Variants in LCLAT1 observed in about 807,000 individuals in gnomAD.
LCLAT1 encodes lysocardiolipin acyltransferase 1.
In LCLAT1, 11 loss-of-function variants were observed where a neutral mutation model predicts 30.7. That is an observed-to-expected ratio of 0.36 (90% CI 0.23 to 0.59). LCLAT1 has a LOEUF of 0.59. LCLAT1 is among the 20% of genes least tolerant of loss of function. The pLI, the probability that LCLAT1 is intolerant of heterozygous loss-of-function variation, is 0.77. For synonymous variants in LCLAT1, 155 were observed against 151.3 expected, an observed-to-expected ratio of 1.02 and a Z score of -0.18; for missense variants, 402 against 458.6, an observed-to-expected ratio of 0.88 and a Z score of 1.13.
At chr2:30,550,510 C>T (rs1241097230) in intron 3 of LCLAT1, among the ~76,000 whole-genome samples, 1 of 152,150 alleles carries the variant, frequency 6.6e-6, no homozygotes, top group African/African-American at 2.4e-5. Context: ...GAATGTTCCT[C>T]AGTTTGGGTT....
At chr2:30,575,203 T>C (rs1022817444) in intron 5 of LCLAT1, among the ~76,000 whole-genome samples, 2 of 152,136 alleles carry the variant, frequency 1.3e-5, no homozygotes, top group Non-Finnish European at 2.9e-5. Context: ...TCCCTCTTCT[T>C]ATTCTCATCA....
At chr2:30,593,103 T>C (rs771140679) in intron 5 of LCLAT1, among the ~76,000 whole-genome samples, 14 of 152,204 alleles carry the variant, frequency 9.2e-5, no homozygotes, top group Non-Finnish European at 1.8e-4. Context: ...ACCATAATTC[T>C]GCTCTCTGCC....
In LCLAT1 at chr2:30,643,668, C is replaced by T. The variant is rs559927451; in HGVS notation, c.*3049C>T. 1 of 152,604 alleles carries T rather than the reference C, an allele frequency of 6.6e-6. No individual in the cohort carries two copies. The highest frequency in any genetic ancestry group is 2.1e-4 in the South Asian group (1 of 4,818). The allele number at this position is 152,604 out of a possible 1,614,324, so 9.5% of individuals were successfully genotyped here. A position where few individuals can be genotyped will look rare whatever the true frequency, so the allele number is the denominator to read the frequency against. On this transcript the variant is annotated 3_prime_UTR_variant, in exon 6 of 6. Transcript: ENST00000379509. ...CAAACTCTAGCCCTGACTATGATGC[C>T]CCTGTGTGCATTTACAATAAAGACT...
chr2:30,522,175 G>C (rs1033328269), intron 1 of LCLAT1, among the ~76,000 whole-genome samples: 1 of 152,130 alleles, frequency 6.6e-6, no homozygotes, highest in South Asian at 2.1e-4. Flanking sequence ...ATAGGTTTTT[G>C]TGTGAATATA....
intron 1 of LCLAT1, among the ~76,000 whole-genome samples, chr2:30,460,430 A>G (rs181196586): frequency 2.0e-5 from 3 of 152,094 alleles, no homozygotes; most frequent in Non-Finnish European, 2.9e-5. Flanking sequence ...GCCTTTTTCT[A>G]TTGCTGCTGC....
Position 30,525,728 on chromosome 2 carries a change from T to C in LCLAT1, c.138T>C (p.Leu46=). 1.9e-6 allele frequency: 3 copies of C among 1,614,160 alleles called. No individual in the cohort carries two copies. Among genetic ancestry groups the C allele is most frequent in the Non-Finnish European group, 2.5e-6 (3 of 1,180,034 alleles). ...PSWYRWINNR[L]VATWLTLPVA... ...GGTATCGCTGGATCAACAACCGCCTTGTGGCAACATGGCTCACCCTACCTG... is the reference window on the plus strand; with the variant it reads ...GGTATCGCTGGATCAACAACCGCCTCGTGGCAACATGGCTCACCCTACCTG... Residue 46 remains leucine (L), a synonymous_variant, in exon 2 of 6, where the codon CTT becomes CTC. Transcript: ENST00000379509.
chr2:30,483,547 A>C (rs1233826827), intron 1 of LCLAT1, among the ~76,000 whole-genome samples: 5 of 152,146 alleles, frequency 3.3e-5, no homozygotes, highest in Admixed American at 3.3e-4. Flanking sequence ...AAGCACTGCA[A>C]GCAAAAGGGC....
chr2:30,460,832 T>A (rs1278473942), intron 1 of LCLAT1, among the ~76,000 whole-genome samples: 6 of 152,176 alleles, frequency 3.9e-5, no homozygotes, highest in Non-Finnish European at 8.8e-5. Flanking sequence ...TGGCTAGTGA[T>A]TTAATCACTG....
At chr2:30,589,197 G>A (rs1213474561) in intron 5 of LCLAT1, among the ~76,000 whole-genome samples, 2 of 152,142 alleles carry the variant, frequency 1.3e-5, no homozygotes, top group Non-Finnish European at 2.9e-5. Context: ...CAGTAAACTT[G>A]ACAAAACATT....
chr2:30,463,912 T>A (rs555699553), intron 1 of LCLAT1, among the ~76,000 whole-genome samples: 1 of 152,382 alleles, frequency 6.6e-6, no homozygotes, highest in Non-Finnish European at 1.5e-5. Flanking sequence ...AATTTTCACA[T>A]ACAAATAGTG....
chr2:30,461,373 A>AT (rs963512563), intron 1 of LCLAT1, among the ~76,000 whole-genome samples: 8 of 151,522 alleles, frequency 5.3e-5, no homozygotes, highest in Non-Finnish European at 7.4e-5. Flanking sequence ...TAAGACCTAG[A>AT]TTTTTTTTTA....
At chr2:30,525,786 T>G in intron 2 of LCLAT1, 31 bp downstream of exon 2, 1 of 1,610,046 alleles carries the variant, frequency 6.2e-7, no homozygotes, top group South Asian at 1.1e-5. Flanking sequence ...GACTGTCTGC[T>G]TGTACTAGAG....
At chr2:30,597,345 A>G (rs1437745028) in intron 5 of LCLAT1, among the ~76,000 whole-genome samples, 3 of 152,084 alleles carry the variant, frequency 2.0e-5, no homozygotes, top group African/African-American at 7.2e-5. Flanking sequence ...GTTCTCCTTG[A>G]AGTGATCCTT....
intron 3 of LCLAT1, among the ~76,000 whole-genome samples, chr2:30,539,722 G>T (rs1413082305): frequency 6.6e-6 from 1 of 151,902 alleles, no homozygotes; most frequent in Non-Finnish European, 1.5e-5. Flanking sequence ...TTTCAACTCG[G>T]GTATAATTTC....
intron 1 of LCLAT1, among the ~76,000 whole-genome samples, chr2:30,484,325 A>G (rs1683464102): frequency 6.6e-6 from 1 of 152,202 alleles, no homozygotes; most frequent in Admixed American, 6.5e-5. Flanking sequence ...ATAAGTATTG[A>G]CAGCATTATG....
intron 1 of LCLAT1, among the ~76,000 whole-genome samples, chr2:30,453,124 A>T (rs968610753): frequency 6.6e-6 from 1 of 152,192 alleles, no homozygotes; most frequent in Non-Finnish European, 1.5e-5. Context: ...AAGAGACCAC[A>T]TCTGTTTTAT....
At chr2:30,528,331 T>C (rs1685823929) in intron 2 of LCLAT1, among the ~76,000 whole-genome samples, 1 of 152,250 alleles carries the variant, frequency 6.6e-6, no homozygotes, top group African/African-American at 2.4e-5. Flanking sequence ...TTTCTGCTAT[T>C]ATTACTGCTA....
intron 1 of LCLAT1, among the ~76,000 whole-genome samples, chr2:30,460,584 C>T (rs749577093): frequency 1.3e-5 from 2 of 152,136 alleles, no homozygotes; most frequent in Non-Finnish European, 2.9e-5. Flanking sequence ...CTTTTGTCTT[C>T]GGTTCCTGAC....
chr2:30,479,062 A>G (rs2148305896), intron 1 of LCLAT1, among the ~76,000 whole-genome samples: 1 of 152,348 alleles, frequency 6.6e-6, no homozygotes, highest in African/African-American at 2.4e-5. Context: ...CACAGATGTC[A>G]GACAGAATAG....
Sources: allele counts gnomAD v4.1 joint callset (sites outside exome capture counted in the v4.1 genomes callset), GRCh38; gene constraint gnomAD v4.1.1; transcripts MANE v1.5; gene names NCBI Gene and HGNC (gene_info 2026-07-23, HGNC 2026-07-21).